The following SLC44A5 variants were observed in gnomAD, a reference collection of about 807,000 sequenced individuals.
SLC44A5 encodes the protein choline transporter-like protein 5.
A neutral mutation model predicts 101.8 loss-of-function variants in SLC44A5; 57 were observed. The observed-to-expected ratio is 0.56, with a 90% confidence interval of 0.45 to 0.70. The LOEUF (loss-of-function observed/expected upper bound fraction) is 0.70, where lower values mean the gene tolerates loss of function less well. Ranked by LOEUF, SLC44A5 falls within the 30% of genes least tolerant of loss-of-function variation. The probability of loss-of-function intolerance (pLI) is 0.00; values close to 1 mark genes in which losing one functional copy is unlikely to be tolerated. For synonymous variants in SLC44A5, 281 were observed against 290.9 expected, an observed-to-expected ratio of 0.97 and a Z score of 0.35; for missense variants, 737 against 853.1, an observed-to-expected ratio of 0.86 and a Z score of 1.70.
chr1:75,546,968 T>C (rs968612779), intron 1 of SLC44A5, among the ~76,000 whole-genome samples: 1 of 152,148 alleles, frequency 6.6e-6, no homozygotes, highest in African/African-American at 2.4e-5. Flanking sequence ...CAACATGAAT[T>C]CTGCTAAAAT....
At chr1:75,644,255 A>G in the SLC44A5 span, among the ~76,000 whole-genome samples, 2 of 152,168 alleles carry the variant, frequency 1.3e-5, no homozygotes, top group Non-Finnish European at 2.9e-5. Context: ...TTTTGAAGCT[A>G]CAGTCAAGAG....
At chr1:75,404,168 T>C (rs1472847655) in intron 2 of SLC44A5, among the ~76,000 whole-genome samples, 4 of 151,894 alleles carry the variant, frequency 2.6e-5, no homozygotes, top group Non-Finnish European at 4.4e-5. Flanking sequence ...TGAAGAGGAA[T>C]GAACAAAGCC....
At chr1:75,311,116 C>CTTTT (rs55858318) in intron 4 of SLC44A5, among the ~76,000 whole-genome samples, 2 of 146,816 alleles carry the variant, frequency 1.4e-5, no homozygotes, top group Non-Finnish European at 1.5e-5. Flanking sequence ...AAAATAGCAT[C>CTTTT]TTTTTTTTTT....
intron 15 of SLC44A5, 36 bp from the exon 16 acceptor site, chr1:75,219,380 G>T: frequency 7.1e-7 from 1 of 1,414,360 alleles, no homozygotes. Context: ...CCATTTGCTG[G>T]TAGATTGAAA....
chr1:75,595,171 C>A (rs529928661), intron 1 of SLC44A5, among the ~76,000 whole-genome samples: 1 of 151,848 alleles, frequency 6.6e-6, no homozygotes, highest in Admixed American at 6.6e-5. Context: ...TCTAGAGTAA[C>A]AAGTTTTAAA....
chr1:75,451,211 G>A (rs898748180), intron 2 of SLC44A5, among the ~76,000 whole-genome samples: 2 of 152,192 alleles, frequency 1.3e-5, no homozygotes, highest in South Asian at 4.1e-4. Flanking sequence ...CCAGAGCTGA[G>A]CAGGGAGCTC....
intron 1 of SLC44A5, among the ~76,000 whole-genome samples, chr1:75,549,293 C>A (rs72684161): frequency 6.6e-6 from 1 of 152,220 alleles, no homozygotes; most frequent in Non-Finnish European, 1.5e-5. Flanking sequence ...GTTGTTCTTA[C>A]CAAGCTCTGC....
At chr1:75,317,744 C>G (rs1227968054) in intron 4 of SLC44A5, among the ~76,000 whole-genome samples, 1 of 152,134 alleles carries the variant, frequency 6.6e-6, no homozygotes, top group East Asian at 1.9e-4. Flanking sequence ...TTCTGATTTA[C>G]AGCTGCTTCC....
intron 2 of SLC44A5, among the ~76,000 whole-genome samples, chr1:75,451,345 A>G (rs1300561919): frequency 1.3e-5 from 2 of 152,130 alleles, no homozygotes; most frequent in Non-Finnish European, 1.5e-5. Context: ...TATAAGCACA[A>G]TCTATGGGCT....
At chr1:75,215,927 TACA>T (rs931386576) in intron 18 of SLC44A5, 70 bp from the exon 19 acceptor site, 12 of 820,866 alleles carry the variant, frequency 1.5e-5, no homozygotes, top group Non-Finnish European at 2.4e-5. Context: ...ATAAATATAA[TACA>T]ACATTTAAAA....
chr1:75,526,171 C>T (rs1670397733), intron 2 of SLC44A5, among the ~76,000 whole-genome samples: 1 of 152,164 alleles, frequency 6.6e-6, no homozygotes, highest in Non-Finnish European at 1.5e-5. Context: ...CTCGTCACTT[C>T]CTGTGATATA....
the SLC44A5 span, among the ~76,000 whole-genome samples, chr1:75,686,286 G>A: frequency 6.6e-6 from 1 of 152,162 alleles, no homozygotes; most frequent in East Asian, 1.9e-4. Context: ...ACATCACAAA[G>A]AATAATAAAA....
intron 9 of SLC44A5, among the ~76,000 whole-genome samples, chr1:75,239,309 C>A (rs1648400617): frequency 6.6e-6 from 1 of 152,016 alleles, no homozygotes; most frequent in Non-Finnish European, 1.5e-5. Flanking sequence ...TGATTGGAGT[C>A]TTTGCCTCTT....
chr1:75,459,410 ACAT>A (rs1224254648), intron 2 of SLC44A5, among the ~76,000 whole-genome samples: 1 of 152,190 alleles, frequency 6.6e-6, no homozygotes, highest in East Asian at 1.9e-4. Flanking sequence ...GTAGCCACCA[ACAT>A]CATCAACATA....
chr1:75,490,223 A>G (rs1437311125), intron 2 of SLC44A5, among the ~76,000 whole-genome samples: 1 of 152,166 alleles, frequency 6.6e-6, no homozygotes, highest in African/African-American at 2.4e-5. Context: ...TGCATTGGAT[A>G]TCTAGCGATA....
At chr1:75,627,206 G>A in the SLC44A5 span, among the ~76,000 whole-genome samples, 1 of 152,032 alleles carries the variant, frequency 6.6e-6, no homozygotes, top group South Asian at 2.1e-4. Flanking sequence ...TTGATTATCT[G>A]TGTGGATGTC....
chr1:75,713,844 C>T, the SLC44A5 span, among the ~76,000 whole-genome samples: 1 of 152,116 alleles, frequency 6.6e-6, no homozygotes, highest in African/African-American at 2.4e-5. Flanking sequence ...ACTTTGTTGC[C>T]CAAGCTGAAG....
intron 6 of SLC44A5, among the ~76,000 whole-genome samples, chr1:75,254,833 C>T (rs991924633): frequency 6.6e-6 from 1 of 152,076 alleles, no homozygotes; most frequent in Non-Finnish European, 1.5e-5. Context: ...CAAATCAGAA[C>T]CGCTGTGTTT....
chr1:75,640,992 A>G, the SLC44A5 span, among the ~76,000 whole-genome samples: 1 of 152,074 alleles, frequency 6.6e-6, no homozygotes, highest in African/African-American at 2.4e-5. Context: ...GTGAACTATG[A>G]CAAAATATTA....
Sources: gnomAD v4.1 joint callset for allele counts (sites outside exome capture counted in the v4.1 genomes callset) on GRCh38, gnomAD v4.1.1 for gene constraint, MANE v1.5 for transcripts, NCBI Gene and HGNC (gene_info 2026-07-23, HGNC 2026-07-21) for gene names.